MED27: variants seen among roughly 807,000 people sequenced by gnomAD.
MED27 encodes mediator of RNA polymerase II transcription subunit 27.
In MED27, 30 loss-of-function variants were observed where a neutral mutation model predicts 38.2. The ratio of observed to expected loss-of-function variants is 0.79; its 90% CI spans 0.59 to 1.07. The LOEUF (loss-of-function observed/expected upper bound fraction) is 1.07. Among genes scored for constraint, MED27 ranks in the 50% least tolerant of loss-of-function variants. The probability of loss-of-function intolerance (pLI) is 0.00; values close to 1 mark genes in which losing one functional copy is unlikely to be tolerated. For missense variants in MED27, 289 were observed against 397.5 expected (o/e 0.73, Z 2.32); for synonymous variants, 122 against 153.5 (o/e 0.79, Z 1.52).
chr9:131,881,299 C>A (rs1282940256), intron 6 of MED27, among the ~76,000 whole-genome samples: 1 of 152,136 alleles, frequency 6.6e-6, no homozygotes, highest in African/African-American at 2.4e-5. Flanking sequence ...AAGTAAATAC[C>A]TCTGGTATGG....
At chr9:131,863,524 G>A (rs538171177) in intron 6 of MED27, among the ~76,000 whole-genome samples, 121 of 152,342 alleles carry the variant, frequency 7.9e-4, no homozygotes, top group African/African-American at 2.5e-3. Flanking sequence ...GAGCACTTCC[G>A]CCCGGTACGC....
At chr9:131,946,548 G>A (rs536073796) in intron 3 of MED27, among the ~76,000 whole-genome samples, 1 of 152,276 alleles carries the variant, frequency 6.6e-6, no homozygotes, top group Non-Finnish European at 1.5e-5. Flanking sequence ...CATTTCTCAT[G>A]CTTTACACCC....
At chr9:131,973,906 A>C in intron 3 of MED27, among the ~76,000 whole-genome samples, 1 of 148,942 alleles carries the variant, frequency 6.7e-6, no homozygotes. Context: ...TTTAATAGAG[A>C]CGGGTTTCAC....
At chr9:131,920,606 A>G (rs1449896272) in intron 4 of MED27, among the ~76,000 whole-genome samples, 2 of 152,260 alleles carry the variant, frequency 1.3e-5, no homozygotes, top group African/African-American at 4.8e-5. Context: ...CCTACATTAG[A>G]AAGTGATAAG....
At chr9:132,038,677 A>G (rs1197350224) in intron 2 of MED27, among the ~76,000 whole-genome samples, 4 of 152,236 alleles carry the variant, frequency 2.6e-5, no homozygotes, top group Non-Finnish European at 5.9e-5. Flanking sequence ...AGAAGATGAC[A>G]CCTGCAATGT....
At chr9:131,959,563 G>GT (rs1831173003) in intron 3 of MED27, among the ~76,000 whole-genome samples, 1 of 152,120 alleles carries the variant, frequency 6.6e-6, no homozygotes, top group South Asian at 2.1e-4. Flanking sequence ...TCTGGCTTCG[G>GT]TTTCCTCTTC....
intron 2 of MED27, among the ~76,000 whole-genome samples, chr9:132,026,028 G>A (rs1832810211): frequency 6.6e-6 from 1 of 152,138 alleles, no homozygotes; most frequent in African/African-American, 2.4e-5. Flanking sequence ...AGAGAGTTGA[G>A]CCTAATACGA....
chr9:131,937,492 C>G (rs756928753), intron 4 of MED27, among the ~76,000 whole-genome samples: 12 of 152,170 alleles, frequency 7.9e-5, no homozygotes, highest in Non-Finnish European at 1.8e-4. Context: ...TCTATTAGGA[C>G]AGAAGCTCCA....
chr9:132,016,727 G>A (rs1832611122), intron 2 of MED27, among the ~76,000 whole-genome samples: 1 of 152,156 alleles, frequency 6.6e-6, no homozygotes, highest in African/African-American at 2.4e-5. Context: ...ATTTACTAGG[G>A]TCCATGCAAG....
At position 131,996,371 on chromosome 9, in the gene MED27, G is replaced by T. The variant is rs193005494; in HGVS notation, c.479+17966C>A. Among the ~76,000 whole-genome samples the T allele has an allele frequency of 2.6e-5, 4 of 152,294 alleles. No homozygotes were observed. In the East Asian group the frequency reaches 7.7e-4, roughly 29 times the overall value. On this transcript the variant is annotated intron_variant, in intron 3 of 7. Coordinates refer to ENST00000292035, the MANE Select transcript of MED27 (RefSeq NM_004269.4). The stretch of plus-strand genomic sequence containing the variant: ...AGTGCTGGGTCTTGCCACTATGGGA[G>T]CCACTGGAGCCGGCAGAGGTCACAG...
At chr9:132,065,721 T>G (rs1382364057) in intron 2 of MED27, among the ~76,000 whole-genome samples, 2 of 152,248 alleles carry the variant, frequency 1.3e-5, no homozygotes, top group African/African-American at 4.8e-5. Flanking sequence ...CCCATATGGC[T>G]GTCTGTGGAT....
chr9:131,928,190 T>C lies in MED27; in HGVS notation c.573+11191A>G, dbSNP rs547229945. Among the ~76,000 whole-genome samples, 3 of 152,228 alleles carry C rather than the reference T, an allele frequency of 2.0e-5. No homozygotes were observed. The South Asian group carries it at 6.2e-4, about 32-fold the overall frequency. On this transcript the variant is annotated intron_variant, in intron 4 of 7. Coordinates refer to ENST00000292035, the MANE Select transcript of MED27 (RefSeq NM_004269.4). ...CAGGTTTCACAACTCAGGTGGCTCT[T>C]AGGAAAATGCCGTCTTTCCCTACTG...
rs34971690 is a variant in MED27 at position 131,872,358 on chromosome 9, G to C, written c.724-9218C>G. Among the ~76,000 whole-genome samples, 1 of 152,230 alleles carries C rather than the reference G, an allele frequency of 6.6e-6. No individual in the cohort carries two copies. Among genetic ancestry groups the C allele is most frequent in the Non-Finnish European group, 1.5e-5 (1 of 68,050 alleles). Reference sequence around the variant, plus strand: ...GCCCCCGAGGCCAAGCTAGAAGAGCGGGCGCCTCTACTATTCGGAGTATTT... The same window carrying C: ...GCCCCCGAGGCCAAGCTAGAAGAGCCGGCGCCTCTACTATTCGGAGTATTT... On this transcript the variant is annotated intron_variant, in intron 6 of 7. Coordinates refer to ENST00000292035, the MANE Select transcript of MED27 (RefSeq NM_004269.4). The surrounding 1 kb of genome is among the most constrained non-coding windows in gnomAD (Gnocchi z 5.6).
At chr9:131,939,917 T>C (rs1589223670) in intron 3 of MED27, among the ~76,000 whole-genome samples, 1 of 150,984 alleles carries the variant, frequency 6.6e-6, no homozygotes, top group East Asian at 1.9e-4. Flanking sequence ...TTTTTTTTTT[T>C]TTTCTTTGAG....
At chr9:132,070,242 G>C (rs1375876924) in intron 2 of MED27, among the ~76,000 whole-genome samples, 2 of 152,218 alleles carry the variant, frequency 1.3e-5, no homozygotes, top group African/African-American at 4.8e-5. Context: ...ATTAGCCTTT[G>C]TGTTCAGATA....
chr9:131,999,981 A>G (rs1832183874), intron 3 of MED27, among the ~76,000 whole-genome samples: 1 of 152,096 alleles, frequency 6.6e-6, no homozygotes, highest in South Asian at 2.1e-4. Context: ...TCACCAATCA[A>G]TCAGTACAAA....
intron 3 of MED27, among the ~76,000 whole-genome samples, chr9:131,942,453 G>C (rs190492505): frequency 6.6e-6 from 1 of 152,082 alleles, no homozygotes; most frequent in Non-Finnish European, 1.5e-5. Flanking sequence ...AGTTTCTTCC[G>C]ACTCAGCAGG....
chr9:132,026,060 T>A (rs1335673069), intron 2 of MED27, among the ~76,000 whole-genome samples: 1 of 152,196 alleles, frequency 6.6e-6, no homozygotes, highest in East Asian at 1.9e-4. Context: ...CCAATGTGCA[T>A]GTTCCCTACT....
chr9:132,027,247 G>C (rs1296054096), intron 2 of MED27, among the ~76,000 whole-genome samples: 1 of 152,174 alleles, frequency 6.6e-6, no homozygotes, highest in Non-Finnish European at 1.5e-5. Context: ...AGGTAGTAAG[G>C]GTCCACTCTG....
Sources: gnomAD v4.1 joint callset for allele counts (sites outside exome capture counted in the v4.1 genomes callset) on GRCh38, gnomAD v4.1.1 for gene constraint, Gnocchi (gnomAD v3.1) non-coding constraint, MANE v1.5 for transcripts, NCBI Gene and HGNC (gene_info 2026-07-23, HGNC 2026-07-21) for gene names.